The following CFAP58 variants were observed in gnomAD, a reference collection of about 807,000 sequenced individuals.
CFAP58 encodes cilia- and flagella-associated protein 58.
Under a neutral mutation model 119.5 loss-of-function variants are expected in CFAP58, and 88 were observed. That is an observed-to-expected ratio of 0.74 (90% CI 0.62 to 0.88). CFAP58 has a LOEUF of 0.88. Among genes scored for constraint, CFAP58 ranks in the 40% least tolerant of loss-of-function variants. The pLI, the probability that CFAP58 is intolerant of heterozygous loss-of-function variation, is 0.00. For synonymous variants in CFAP58, 365 were observed against 366.3 expected, an observed-to-expected ratio of 1.00 and a Z score of 0.04; for missense variants, 990 against 1,021.2, an observed-to-expected ratio of 0.97 and a Z score of 0.42.
chr10:104,339,122 G>A, the CFAP58 span, among the ~76,000 whole-genome samples: 1 of 152,252 alleles, frequency 6.6e-6, no homozygotes. Flanking sequence ...TGGTCAGGCT[G>A]GTCTCGAACT....
At chr10:104,367,986 A>G (rs1181198201) in intron 5 of CFAP58, among the ~76,000 whole-genome samples, 2 of 152,248 alleles carry the variant, frequency 1.3e-5, no homozygotes, top group African/African-American at 2.4e-5. Flanking sequence ...TCTGTTGACA[A>G]AAATGTTGTA....
At chr10:104,443,761 T>A (rs1215632187) in intron 15 of CFAP58, among the ~76,000 whole-genome samples, 2 of 152,242 alleles carry the variant, frequency 1.3e-5, no homozygotes, top group African/African-American at 4.8e-5. Context: ...GGAGTAGCAC[T>A]GACTCTTATT....
At chr10:104,394,307 A>G (rs2012109706) in intron 11 of CFAP58, among the ~76,000 whole-genome samples, 1 of 152,240 alleles carries the variant, frequency 6.6e-6, no homozygotes, top group South Asian at 2.1e-4. Context: ...TAAGAAAATA[A>G]TGCCACTTTT....
Position 104,403,770 on chromosome 10 carries a change from G to A in CFAP58, c.2081G>A (p.Arg694Lys). ...FHMQRELLKE[R>K]TRCRALEEEL... is the part of the protein sequence containing the mutation. The stretch of plus-strand genomic sequence containing the variant: ...ATGCAAAGAGAATTGTTGAAGGAGA[G>A]GACACGCTGCCGAGCCCTGGAGGAG... The change falls in exon 14 of 18, where the codon AGG becomes AAG. Residue 694 changes from arginine (R) to lysine (K), a missense_variant. Transcript: ENST00000369704. 6.2e-7 allele frequency: 1 copy of A among 1,612,518 alleles called. No homozygotes were observed. Among genetic ancestry groups the A allele is most frequent in the Non-Finnish European group, 8.5e-7 (1 of 1,179,486 alleles).
chr10:104,427,226 T>G (rs1232722339), intron 15 of CFAP58, among the ~76,000 whole-genome samples: 1 of 152,196 alleles, frequency 6.6e-6, no homozygotes, highest in African/African-American at 2.4e-5. Flanking sequence ...AATTTGAAGT[T>G]TATTTCAATC....
chr10:104,415,593 G>C (rs1311301083), intron 15 of CFAP58, among the ~76,000 whole-genome samples: 5 of 152,132 alleles, frequency 3.3e-5, no homozygotes, highest in Non-Finnish European at 7.3e-5. Context: ...CAGTGTACCA[G>C]GCATGTCAGC....
chr10:104,408,144 A>G (rs1272018439), intron 15 of CFAP58, among the ~76,000 whole-genome samples: 1 of 152,256 alleles, frequency 6.6e-6, no homozygotes, highest in African/African-American at 2.4e-5. Flanking sequence ...ATAGCCTTCC[A>G]GAATATCATG....
chr10:104,412,516 C>G (rs1428400450), intron 15 of CFAP58, among the ~76,000 whole-genome samples: 2 of 152,038 alleles, frequency 1.3e-5, no homozygotes, highest in African/African-American at 4.8e-5. Context: ...GCTGAAGCCC[C>G]AAGTGTTCCA....
chr10:104,347,116 G>T, the CFAP58 span, among the ~76,000 whole-genome samples: 6 of 151,706 alleles, frequency 4.0e-5, 1 homozygote, highest in African/African-American at 1.5e-4. Flanking sequence ...CTGCTTTTAA[G>T]CCAATAAAAT....
At chr10:104,405,370 T>TA (rs1442527630) in intron 14 of CFAP58, among the ~76,000 whole-genome samples, 2 of 152,264 alleles carry the variant, frequency 1.3e-5, no homozygotes, top group Non-Finnish European at 2.9e-5. Context: ...ATGAAGATTT[T>TA]AAATTCATTT....
intron 7 of CFAP58, among the ~76,000 whole-genome samples, chr10:104,375,773 C>T (rs757200281): frequency 3.7e-5 from 4 of 108,476 alleles, no homozygotes; most frequent in Non-Finnish European, 5.6e-5. Flanking sequence ...ACAATTCAAA[C>T]GGGGGTGGAT....
intron 3 of CFAP58, among the ~76,000 whole-genome samples, chr10:104,363,341 C>T (rs902312039): frequency 6.6e-6 from 1 of 152,194 alleles, no homozygotes; most frequent in Non-Finnish European, 1.5e-5. Context: ...CATACACTTC[C>T]TTGGGCAGCC....
At chr10:104,441,872 G>A (rs2013041700) in intron 15 of CFAP58, among the ~76,000 whole-genome samples, 1 of 152,172 alleles carries the variant, frequency 6.6e-6, no homozygotes, top group Non-Finnish European at 1.5e-5. Context: ...GATAGGCCCA[G>A]AGTTCAGTTT....
chr10:104,361,414 T>G (rs1020485821), intron 2 of CFAP58, among the ~76,000 whole-genome samples: 1 of 152,196 alleles, frequency 6.6e-6, no homozygotes, highest in Non-Finnish European at 1.5e-5. Context: ...GTTCTAAAGT[T>G]CACATTGTCA....
chr10:104,443,844 T>G (rs1402040287), intron 15 of CFAP58, among the ~76,000 whole-genome samples: 1 of 152,228 alleles, frequency 6.6e-6, no homozygotes, highest in African/African-American at 2.4e-5. Context: ...AATAACAGCA[T>G]TACTGGAAGC....
chr10:104,438,533 G>A (rs1259721309), intron 15 of CFAP58, among the ~76,000 whole-genome samples: 1 of 151,704 alleles, frequency 6.6e-6, no homozygotes, highest in Non-Finnish European at 1.5e-5. Flanking sequence ...CCGCCACAGC[G>A]CCCGGCTAAT....
intron 15 of CFAP58, among the ~76,000 whole-genome samples, chr10:104,408,802 AAAT>A (rs1203809805): frequency 6.6e-6 from 1 of 152,132 alleles, no homozygotes; most frequent in African/African-American, 2.4e-5. Context: ...AATGTCTTTT[AAAT>A]AATTTATTTA....
intron 16 of CFAP58, 38 bp downstream of exon 16, chr10:104,447,855 A>AG: frequency 6.4e-7 from 1 of 1,563,822 alleles, no homozygotes; most frequent in Non-Finnish European, 8.7e-7. Flanking sequence ...GTTCCAGGGC[A>AG]GCCACACTCT....
intron 9 of CFAP58, among the ~76,000 whole-genome samples, chr10:104,390,205 G>C (rs1564888870): frequency 1.3e-5 from 2 of 152,138 alleles, no homozygotes; most frequent in Non-Finnish European, 2.9e-5. Context: ...GGTTCAGAGT[G>C]GCAAAAAAGT....
Sources: gnomAD v4.1 joint callset for allele counts (sites outside exome capture counted in the v4.1 genomes callset) on GRCh38, gnomAD v4.1.1 for gene constraint, MANE v1.5 for transcripts, NCBI Gene and HGNC (gene_info 2026-07-23, HGNC 2026-07-21) for gene names.